Variants in RBPJ observed in about 807,000 individuals in gnomAD.
The protein encoded by RBPJ is recombination signal binding protein for immunoglobulin kappa J region.
Under a neutral mutation model 67.8 loss-of-function variants are expected in RBPJ, and 9 were observed. That is an observed-to-expected ratio of 0.13 (90% CI 0.08 to 0.23). RBPJ has a LOEUF of 0.23. Ranked by LOEUF, RBPJ falls within the 10% of genes least tolerant of loss-of-function variation. RBPJ has a pLI of 1.00. For missense variants in RBPJ, 305 were observed against 595.6 expected (o/e 0.51, Z 5.08); for synonymous variants, 198 against 203.3 (o/e 0.97, Z 0.22).
At chr4:26,178,701 G>A (rs11940572) in intron 1 of RBPJ, among the ~76,000 whole-genome samples, 58,200 of 150,278 alleles carry the variant, frequency 0.39, 12,091 homozygotes, top group Non-Finnish European at 0.46. Flanking sequence ...TGAAATCCCG[G>A]GAACAATTTT....
At chr4:26,136,272 G>C in the RBPJ span, among the ~76,000 whole-genome samples, 1 of 152,196 alleles carries the variant, frequency 6.6e-6, no homozygotes, top group African/African-American at 2.4e-5. Flanking sequence ...GGAGCTGAAA[G>C]AATCCCTTCT....
intron 1 of RBPJ, among the ~76,000 whole-genome samples, chr4:26,307,891 A>T (rs1423167956): frequency 6.6e-6 from 1 of 152,240 alleles, no homozygotes; most frequent in African/African-American, 2.4e-5. Flanking sequence ...TCATGACAGA[A>T]TTTAGTCATG....
At chr4:26,367,930 A>G (rs1728788806) in intron 1 of RBPJ, 1 of 152,258 alleles carries the variant, frequency 6.6e-6, no homozygotes, top group Admixed American at 6.5e-5. Flanking sequence ...TGGAATTTGT[A>G]CATTAGTTTT....
intron 1 of RBPJ, among the ~76,000 whole-genome samples, chr4:26,174,014 T>C (rs1229630375): frequency 6.6e-6 from 1 of 152,214 alleles, no homozygotes; most frequent in African/African-American, 2.4e-5. Context: ...TGAAAGCTGG[T>C]AGCTGCAAGC....
intron 1 of RBPJ, among the ~76,000 whole-genome samples, chr4:26,220,490 C>T (rs1465459644): frequency 6.6e-6 from 1 of 152,104 alleles, no homozygotes; most frequent in Non-Finnish European, 1.5e-5. Flanking sequence ...TATTAGTGAA[C>T]AAAAAGGACA....
At chr4:26,199,067 T>G (rs557898537) in intron 1 of RBPJ, among the ~76,000 whole-genome samples, 46 of 152,256 alleles carry the variant, frequency 3.0e-4, no homozygotes, top group African/African-American at 1.1e-3. Context: ...CTGCACCCAT[T>G]AAACTCCTCA....
Position 26,421,084 on chromosome 4 carries a change from G to A in RBPJ, c.496+359G>A, listed in dbSNP as rs114027746. Reference sequence around the variant, plus strand: ...GGTAGTTCCCATTCCACAAAGAATTGATCTACCCACAATGTCAACAAGTAC... The same window carrying A: ...GGTAGTTCCCATTCCACAAAGAATTAATCTACCCACAATGTCAACAAGTAC... On this transcript the variant is annotated intron_variant, in intron 5 of 10. Transcript: ENST00000355476. 2.6e-3 allele frequency among the ~76,000 whole-genome samples: 399 copies of A among 152,214 alleles called. 2 individuals are homozygous for A. In the South Asian group the frequency reaches 0.033, roughly 12 times the overall value.
At chr4:26,241,572 C>T (rs574227505) in intron 1 of RBPJ, among the ~76,000 whole-genome samples, 7 of 152,116 alleles carry the variant, frequency 4.6e-5, no homozygotes, top group African/African-American at 1.4e-4. Context: ...AGTACAGTGG[C>T]GCGATCCCTG....
rs1164588922 is a variant in RBPJ at position 26,264,649 on chromosome 4, C to T, written c.-166-97797C>T. Reference sequence around the variant, plus strand: ...TTCCTCTCTTCCCCATCTAGCCACACTGAAACACTGGCACTCGTCCCAAAA... The same window carrying T: ...TTCCTCTCTTCCCCATCTAGCCACATTGAAACACTGGCACTCGTCCCAAAA... On this transcript the variant is annotated intron_variant, in intron 1 of 4. Transcript: ENST00000512351. This position sits in a 1 kb window ranked among gnomAD's most constrained non-coding sequence, Gnocchi z 4.1. Among the ~76,000 whole-genome samples the T allele has an allele frequency of 6.6e-6, 1 of 152,184 alleles. No homozygotes were observed. The highest frequency in any genetic ancestry group is 2.4e-5 in the African/African-American group (1 of 41,436).
the RBPJ span, among the ~76,000 whole-genome samples, chr4:26,157,257 C>A: frequency 1.3e-5 from 2 of 152,188 alleles, no homozygotes; most frequent in African/African-American, 4.8e-5. Context: ...CATAATGAGA[C>A]CCCACCTCTC....
intron 1 of RBPJ, among the ~76,000 whole-genome samples, chr4:26,323,150 T>C (rs1723265718): frequency 6.6e-6 from 1 of 152,100 alleles, no homozygotes. Flanking sequence ...TCATGATTGA[T>C]ACATAAGTTT....
chr4:26,229,357 T>C (rs530764631), intron 1 of RBPJ, among the ~76,000 whole-genome samples: 2 of 152,150 alleles, frequency 1.3e-5, no homozygotes, highest in Non-Finnish European at 2.9e-5. Context: ...GGCTGAACCC[T>C]GGCACAACTC....
intron 1 of RBPJ, among the ~76,000 whole-genome samples, chr4:26,254,841 C>CAA (rs1553853646): frequency 4.1e-5 from 1 of 24,482 alleles, no homozygotes. Flanking sequence ...CCATGCCCAG[C>CAA]TATTTTTTTT....
intron 1 of RBPJ, among the ~76,000 whole-genome samples, chr4:26,332,507 T>G (rs1390841971): frequency 6.6e-6 from 1 of 152,218 alleles, no homozygotes; most frequent in Non-Finnish European, 1.5e-5. Flanking sequence ...AATTTTTAGC[T>G]TGTTTTCATA....
rs145130331 is a variant in RBPJ at position 26,219,388 on chromosome 4, A to G, written c.-167+55774A>G. 2.4e-3 allele frequency among the ~76,000 whole-genome samples: 366 copies of G among 152,336 alleles called. 3 individuals are homozygous for G. The highest frequency in any genetic ancestry group is 8.4e-3 in the African/African-American group (348 of 41,574). On this transcript the variant is annotated intron_variant, in intron 1 of 4. Transcript: ENST00000512351. ...CAGGACAGAAATACTTTGTGAATCA[A>G]GGAAAATATGTTGGTGCTATCTCCT...
chr4:26,245,447 T>A (rs1486542577), intron 1 of RBPJ, among the ~76,000 whole-genome samples: 1 of 152,052 alleles, frequency 6.6e-6, no homozygotes, highest in Non-Finnish European at 1.5e-5. Context: ...GACCTTGTGG[T>A]CCACCTGCCT....
chr4:26,384,825 CCTCCCCTCTCACCT>C (rs1350995515), intron 1 of RBPJ, among the ~76,000 whole-genome samples: 5 of 89,684 alleles, frequency 5.6e-5, no homozygotes, highest in Admixed American at 2.1e-4. Flanking sequence ...CCCCTCTCCC[CCTCCCCTCTCACCT>C]CTCCCCTCCC....
upstream of RBPJ, among the ~76,000 whole-genome samples, chr4:26,316,637 T>TATATATATACACATATTG (rs1577420074): frequency 2.8e-5 from 4 of 142,774 alleles, no homozygotes; most frequent in African/African-American, 1.0e-4. Flanking sequence ...CACATATTGA[T>TATATATATACACATATTG]ATATATATAC....
intron 1 of RBPJ, among the ~76,000 whole-genome samples, chr4:26,241,905 T>A (rs1419640566): frequency 6.6e-6 from 1 of 152,170 alleles, no homozygotes; most frequent in Non-Finnish European, 1.5e-5. Flanking sequence ...GAAGCAGTAC[T>A]TCATATGTTT....
Sources: allele counts gnomAD v4.1 joint callset (sites outside exome capture counted in the v4.1 genomes callset), GRCh38; gene constraint gnomAD v4.1.1; non-coding constraint Gnocchi (gnomAD v3.1); transcripts MANE v1.5; gene names NCBI Gene and HGNC (gene_info 2026-07-23, HGNC 2026-07-21).